PCDHA2: variants seen among roughly 807,000 people sequenced by gnomAD.
PCDHA2 encodes protocadherin alpha 2.
PCDHA2 carries 58 observed loss-of-function variants against 66.0 expected under a neutral mutation model. That is an observed-to-expected ratio of 0.88 (90% confidence interval 0.71 to 1.09). The LOEUF is 1.09. Ranked by LOEUF, PCDHA2 falls within the 50% of genes least tolerant of loss-of-function variation. The pLI, the probability that PCDHA2 is intolerant of heterozygous loss-of-function variation, is 0.00. For missense variants in PCDHA2, 1,267 were observed against 1,242.3 expected, an observed-to-expected ratio of 1.02 and a Z score of -0.30; for synonymous variants, 634 against 554.0, an observed-to-expected ratio of 1.14 and a Z score of -2.03.
intron 1 of PCDHA2, among the ~76,000 whole-genome samples, chr5:140,949,801 C>T (rs964520875): frequency 6.6e-5 from 10 of 151,836 alleles, no homozygotes; most frequent in African/African-American, 2.4e-4. Context: ...TCCTTCAATA[C>T]ATTATTTGCT....
intron 1 of PCDHA2, chr5:140,926,928 G>GT: frequency 1.3e-6 from 2 of 1,574,878 alleles, no homozygotes; most frequent in South Asian, 2.4e-5. Context: ...TATGTTTGTG[G>GT]GTTTCCTGCG....
chr5:140,865,755 A>C (rs1390578535), intron 1 of PCDHA2: 1 of 152,226 alleles, frequency 6.6e-6, no homozygotes, highest in Non-Finnish European at 1.5e-5. Flanking sequence ...GTGCCAGTAC[A>C]TGGTGGAGAT....
intron 1 of PCDHA2, among the ~76,000 whole-genome samples, chr5:140,936,711 A>G (rs2091105126): frequency 6.6e-6 from 1 of 152,212 alleles, no homozygotes; most frequent in African/African-American, 2.4e-5. Flanking sequence ...TCTTGTGCCA[A>G]TACATTCTGT....
At chr5:141,008,712 T>G (rs1554261909) in intron 3 of PCDHA2, among the ~76,000 whole-genome samples, 1 of 152,210 alleles carries the variant, frequency 6.6e-6, no homozygotes, top group Non-Finnish European at 1.5e-5. Flanking sequence ...TCTAGTTGCT[T>G]GAGTGTATGT....
rs782778029 is a variant in PCDHA2 at position 140,798,387 on chromosome 5, A to G, written c.2388+1035A>G. Reference sequence around the variant, plus strand: ...CAGGCAAAAATAGAGAGTATTGAGAAAAGAGACCCTCTCAATTTTGTTTAA... The same window carrying G: ...CAGGCAAAAATAGAGAGTATTGAGAGAAGAGACCCTCTCAATTTTGTTTAA... On this transcript the variant is annotated intron_variant, in intron 1 of 3. Transcript: ENST00000526136. Among the ~76,000 whole-genome samples the G allele has an allele frequency of 2.6e-5, 4 of 152,326 alleles. No homozygotes were observed. In the East Asian group the frequency reaches 7.7e-4, roughly 29 times the overall value.
chr5:140,980,294 A>G (rs1325974235), intron 2 of PCDHA2, among the ~76,000 whole-genome samples: 1 of 152,234 alleles, frequency 6.6e-6, no homozygotes, highest in Non-Finnish European at 1.5e-5. Context: ...TACCAAAGCT[A>G]TGAGTTGTGC....
intron 1 of PCDHA2, chr5:140,966,279 G>C (rs1429727504): frequency 3.3e-5 from 12 of 364,508 alleles, no homozygotes; most frequent in Non-Finnish European, 4.9e-5. Context: ...ACTGGACAGT[G>C]GGGGTAGGGA....
chr5:141,001,706 C>T (rs2098033561), intron 3 of PCDHA2, among the ~76,000 whole-genome samples: 1 of 151,850 alleles, frequency 6.6e-6, no homozygotes, highest in African/African-American at 2.4e-5. Flanking sequence ...AAATAGGGGG[C>T]GGGGAAGGAG....
At chr5:140,951,312 A>G (rs1316911878) in intron 1 of PCDHA2, among the ~76,000 whole-genome samples, 1 of 152,146 alleles carries the variant, frequency 6.6e-6, no homozygotes, top group Non-Finnish European at 1.5e-5. Flanking sequence ...TTAATGTGTT[A>G]TTCTTGAGAT....
chr5:140,824,610 G>GTT (rs2150135229), intron 1 of PCDHA2: 11,616 of 94,826 alleles, frequency 0.12, 1,879 homozygotes, highest in Non-Finnish European at 0.13. Context: ...GCTAATTAAA[G>GTT]TTTTTTTTTT....
chr5:140,809,655 AT>A (rs1764521279), intron 1 of PCDHA2: 1 of 1,490,700 alleles, frequency 6.7e-7, no homozygotes, highest in Non-Finnish European at 9.0e-7. Flanking sequence ...TAAGAGTCAA[AT>A]TTCCCTGGGT....
At chr5:140,882,365 T>C (rs141224516) in intron 1 of PCDHA2, 1 of 1,614,208 alleles carries the variant, frequency 6.2e-7, no homozygotes, top group Non-Finnish European at 8.5e-7. Context: ...CCAGCTCCAC[T>C]ACTCCGTCCC....
At chr5:140,924,762 G>A (rs1554202136) in intron 1 of PCDHA2, among the ~76,000 whole-genome samples, 1 of 151,856 alleles carries the variant, frequency 6.6e-6, no homozygotes, top group Non-Finnish European at 1.5e-5. Context: ...GAGCATGGTG[G>A]TGCGCGCTTG....
intron 1 of PCDHA2, chr5:140,969,174 G>A (rs777458792): frequency 6.2e-7 from 1 of 1,614,076 alleles, no homozygotes; most frequent in South Asian, 1.1e-5. Flanking sequence ...GGCTCAGGGA[G>A]TGACACTTTC....
intron 3 of PCDHA2, among the ~76,000 whole-genome samples, chr5:140,989,704 A>G (rs1011656518): frequency 9.2e-5 from 14 of 152,202 alleles, no homozygotes; most frequent in Admixed American, 9.2e-4. Context: ...TTTTATCTTC[A>G]GAGGCAGTCA....
intron 3 of PCDHA2, among the ~76,000 whole-genome samples, chr5:140,988,499 C>CTT (rs2097300398): frequency 6.6e-6 from 1 of 152,138 alleles, no homozygotes; most frequent in Non-Finnish European, 1.5e-5. Context: ...CTAGGAGAAG[C>CTT]CATGAAGCTT....
At chr5:140,828,467 A>G (rs2150155619) in intron 1 of PCDHA2, 1 of 1,614,224 alleles carries the variant, frequency 6.2e-7, no homozygotes, top group African/African-American at 1.3e-5. Flanking sequence ...GGTGAGGGAC[A>G]TTAACGACAA....
At chr5:140,841,791 C>A in intron 1 of PCDHA2, 1 of 1,613,854 alleles carries the variant, frequency 6.2e-7, no homozygotes, top group Non-Finnish European at 8.5e-7. Flanking sequence ...CTAGAGGGCG[C>A]GTCCGATGCA....
chr5:140,841,620 C>T lies in PCDHA2; in HGVS notation c.2388+44268C>T, dbSNP rs1777377321. 2.5e-6 allele frequency: 4 copies of T among 1,613,982 alleles called. No individual in the cohort carries two copies. The highest frequency in any genetic ancestry group is 3.4e-6 in the Non-Finnish European group (4 of 1,180,020). ...CGCGAGGAGCTGTGCGGGCGGAGCG[C>T]GGAGTGCAGCATCCACCTGGAGGTG... On this transcript the variant is annotated intron_variant, in intron 1 of 3. Transcript: ENST00000526136.
Sources: allele counts gnomAD v4.1 joint callset (sites outside exome capture counted in the v4.1 genomes callset), GRCh38; gene constraint gnomAD v4.1.1; transcripts MANE v1.5; gene names NCBI Gene and HGNC (gene_info 2026-07-23, HGNC 2026-07-21).